MYLK4: variants seen among roughly 807,000 people sequenced by gnomAD.
The protein encoded by MYLK4 is caMLCK like.
A neutral mutation model predicts 48.1 loss-of-function variants in MYLK4; 46 were observed. That is an observed-to-expected ratio of 0.96 (90% confidence interval 0.75 to 1.22). The LOEUF is 1.22. Among genes scored for constraint, MYLK4 ranks in the 50% most tolerant of loss-of-function variants. MYLK4 has a pLI of 0.00. For synonymous variants in MYLK4, 170 were observed against 180.8 expected (o/e 0.94, Z 0.48); for missense variants, 451 against 486.1 (o/e 0.93, Z 0.68).
At chr6:2,765,646 C>T in the MYLK4 span, 2 of 1,543,884 alleles carry the variant, frequency 1.3e-6, no homozygotes, top group Admixed American at 1.8e-5. Flanking sequence ...GGCCGGAAGA[C>T]GACCCCTTCC....
chr6:2,757,538 ATTAT>A, the MYLK4 span, among the ~76,000 whole-genome samples: 1 of 152,086 alleles, frequency 6.6e-6, no homozygotes, highest in Non-Finnish European at 1.5e-5. Flanking sequence ...TCATCATAAC[ATTAT>A]TTGTTATATA....
the MYLK4 span, among the ~76,000 whole-genome samples, chr6:2,763,455 G>C: frequency 6.6e-6 from 1 of 152,216 alleles, no homozygotes; most frequent in African/African-American, 2.4e-5. Context: ...AGGCATGGCA[G>C]GCCTGAGCCT....
chr6:2,754,097 C>T (rs1582139049), upstream of MYLK4, among the ~76,000 whole-genome samples: 1 of 151,434 alleles, frequency 6.6e-6, no homozygotes, highest in South Asian at 2.1e-4. Flanking sequence ...TAAAATGATA[C>T]AGGTGTCTTA....
At chr6:2,731,868 C>CT (rs1053831087) in intron 2 of MYLK4, among the ~76,000 whole-genome samples, 1 of 152,158 alleles carries the variant, frequency 6.6e-6, no homozygotes, top group African/African-American at 2.4e-5. Context: ...TTTAAGGAGA[C>CT]TGGTGAGGAA....
chr6:2,769,388 A>G, the MYLK4 span, among the ~76,000 whole-genome samples: 1 of 152,328 alleles, frequency 6.6e-6, no homozygotes, highest in East Asian at 1.9e-4. Context: ...CTATTTTTAT[A>G]AACAAAGCCA....
rs1406748223 is a variant in MYLK4, at chr6:2,667,417, C to T, written c.*508G>A. 1 of 152,160 alleles carries T rather than the reference C, an allele frequency of 6.6e-6. No homozygotes were observed. The highest frequency in any genetic ancestry group is 6.5e-5 in the Admixed American group (1 of 15,278). The allele number at this position is 152,160 out of a possible 1,614,324, so 9.4% of individuals were successfully genotyped here. On this transcript the variant is annotated 3_prime_UTR_variant, in exon 13 of 13. Coordinates refer to ENST00000274643, the MANE Select transcript of MYLK4 (RefSeq NM_001012418.5). ...AATCAAAATGACAGAGTCTGTGAAA[C>T]TAAGTCTCCAAGGGTGCATGGGAGT... is the stretch of plus-strand genomic sequence containing the variant.
intron 2 of MYLK4, among the ~76,000 whole-genome samples, chr6:2,697,173 A>T (rs971299263): frequency 2.6e-5 from 4 of 152,272 alleles, no homozygotes; most frequent in African/African-American, 9.6e-5. Context: ...TGATGGCAGC[A>T]CAAAATCAAA....
intron 2 of MYLK4, among the ~76,000 whole-genome samples, chr6:2,702,957 T>C (rs1762346114): frequency 6.6e-6 from 1 of 152,170 alleles, no homozygotes; most frequent in African/African-American, 2.4e-5. Flanking sequence ...TGTTTGATTG[T>C]GGACGTGGGG....
chr6:2,770,230 T>G, the MYLK4 span: 1 of 1,614,218 alleles, frequency 6.2e-7, no homozygotes, highest in Non-Finnish European at 8.5e-7. Flanking sequence ...GTCGAGTGAT[T>G]GTTCTTGAGA....
chr6:2,714,449 G>A (rs748423742), intron 2 of MYLK4, among the ~76,000 whole-genome samples: 3 of 152,232 alleles, frequency 2.0e-5, no homozygotes, highest in Non-Finnish European at 2.9e-5. Flanking sequence ...CACTGCCTAT[G>A]AGTCAGCCCT....
At chr6:2,700,067 T>C (rs1483499516) in intron 2 of MYLK4, among the ~76,000 whole-genome samples, 1 of 152,214 alleles carries the variant, frequency 6.6e-6, no homozygotes, top group Non-Finnish European at 1.5e-5. Context: ...TTGGATGTGC[T>C]GACACCTTAT....
chr6:2,736,149 A>T (rs1369235942), intron 2 of MYLK4, among the ~76,000 whole-genome samples: 1 of 152,242 alleles, frequency 6.6e-6, no homozygotes, highest in Non-Finnish European at 1.5e-5. Flanking sequence ...GAAGTCAAAT[A>T]AATTTTGAAA....
the MYLK4 span, among the ~76,000 whole-genome samples, chr6:2,763,992 T>G: frequency 6.6e-6 from 1 of 151,990 alleles, no homozygotes; most frequent in Non-Finnish European, 1.5e-5. Flanking sequence ...ATTACCTGGG[T>G]GTGGTGGCGG....
At chr6:2,751,691 C>G (rs1183075142), upstream of MYLK4, among the ~76,000 whole-genome samples, 2 of 152,156 alleles carry the variant, frequency 1.3e-5, no homozygotes, top group African/African-American at 4.8e-5. Context: ...GTTAGCCCCT[C>G]TATGCCCCAT....
the MYLK4 span, among the ~76,000 whole-genome samples, chr6:2,764,474 C>T: frequency 6.6e-6 from 1 of 152,176 alleles, no homozygotes; most frequent in South Asian, 2.1e-4. Context: ...TCGGAAAAGT[C>T]TTCATTCTCC....
At chr6:2,770,241 A>C in the MYLK4 span, 2 of 1,614,176 alleles carry the variant, frequency 1.2e-6, no homozygotes, top group South Asian at 1.1e-5. Flanking sequence ...GTTCTTGAGA[A>C]GCTTCCAGTA....
At chr6:2,701,447 G>A (rs979320935) in intron 2 of MYLK4, among the ~76,000 whole-genome samples, 9 of 152,080 alleles carry the variant, frequency 5.9e-5, no homozygotes, top group African/African-American at 1.7e-4. Flanking sequence ...AATATTTAGA[G>A]ATCTGCGCTT....
rs757186029 is a variant in MYLK4 at position 2,749,205 on chromosome 6, C to T, written c.90G>A (p.Glu30=). The T allele has an allele frequency of 5.6e-6, 9 of 1,614,120 alleles. No homozygotes were observed. The Admixed American group carries it at 1.5e-4, about 27-fold the overall frequency. ...CCAGAAAACACTTCACTTTCTCCACCTCTTCCCTGCACTGAAAAAAGGCCA... is the reference window on the plus strand; with the variant it reads ...CCAGAAAACACTTCACTTTCTCCACTTCTTCCCTGCACTGAAAAAAGGCCA... ...EKMAFFQCRE[E]VEKVKCFLEK... The change falls in exon 2 of 13, where the codon GAG becomes GAA. Residue 30 remains glutamate (E), a synonymous_variant. Transcript: ENST00000274643.
chr6:2,765,683 C>T, the MYLK4 span: 3 of 1,551,392 alleles, frequency 1.9e-6, no homozygotes, highest in Non-Finnish European at 2.6e-6. Flanking sequence ...GGTGCAGTGC[C>T]CCGTGTGCCA....
Sources: allele counts gnomAD v4.1 joint callset (sites outside exome capture counted in the v4.1 genomes callset), GRCh38; gene constraint gnomAD v4.1.1; transcripts MANE v1.5; gene names NCBI Gene and HGNC (gene_info 2026-07-23, HGNC 2026-07-21).